Variants in DOP1B observed in about 807,000 individuals in gnomAD.
The protein encoded by DOP1B is protein DOP1B.
Under a neutral mutation model 233.5 loss-of-function variants are expected in DOP1B, and 174 were observed. The ratio of observed to expected loss-of-function variants is 0.75; its 90% CI spans 0.66 to 0.85. The LOEUF is 0.85. DOP1B is among the 40% of genes least tolerant of loss of function. The pLI, the probability that DOP1B is intolerant of heterozygous loss-of-function variation, is 0.00. For synonymous variants in DOP1B, 1,190 were observed against 1,185.6 expected, an observed-to-expected ratio of 1.00 and a Z score of -0.08; for missense variants, 2,652 against 2,846.6, an observed-to-expected ratio of 0.93 and a Z score of 1.56.
chr21:36,291,602 C>T (rs959784049), intron 35 of DOP1B, among the ~76,000 whole-genome samples: 5 of 151,972 alleles, frequency 3.3e-5, no homozygotes, highest in Non-Finnish European at 5.9e-5. Context: ...ATGTGCATAG[C>T]AACATTATTT....
intron 2 of DOP1B, among the ~76,000 whole-genome samples, chr21:36,177,311 C>A (rs954017261): frequency 6.6e-6 from 1 of 152,198 alleles, no homozygotes; most frequent in African/African-American, 2.4e-5. Context: ...ACTGTAAGAT[C>A]GAGATGGTCT....
Position 36,193,829 on chromosome 21 carries a change from G to A in DOP1B, c.139-5241G>A, listed in dbSNP as rs143629409. ...CTTCTCCACTGGGCTACAGCTCTGA[G>A]CTTCTGCACAAAGAGTGGAGTCTCC... On this transcript the variant is annotated intron_variant, in intron 2 of 36. Coordinates refer to ENST00000691173, the MANE Select transcript of DOP1B (RefSeq NM_001320714.2). Among the ~76,000 whole-genome samples, 225 of 152,284 alleles carry A rather than the reference G, an allele frequency of 1.5e-3. 1 individual carries two copies. Among genetic ancestry groups the A allele is most frequent in the African/African-American group, 5.3e-3 (222 of 41,554 alleles).
intron 27 of DOP1B, among the ~76,000 whole-genome samples, 180 bp downstream of exon 27, chr21:36,270,337 A>C (rs1158799936): frequency 1.3e-5 from 2 of 149,664 alleles, no homozygotes; most frequent in Non-Finnish European, 3.0e-5. Flanking sequence ...CAGATAAAGC[A>C]AGGTCAGGAG....
Position 36,231,250 on chromosome 21 carries a change from CTT to C in DOP1B, c.2350+121_2350+122del, listed in dbSNP as rs35072237. The C allele has an allele frequency of 2.3e-6, 3 of 1,333,048 alleles. No individual in the cohort carries two copies. The East Asian group carries it at 7.5e-5, about 33-fold the overall frequency. The allele number at this position is 1,333,048 out of a possible 1,614,324, so 82.6% of individuals were successfully genotyped here. ...GACCAAATGTATTTTGGATTTCGGACTTTTTTCAGATTTTTGGAATATTTGCC... is the reference window on the plus strand; with the variant it reads ...GACCAAATGTATTTTGGATTTCGGACTTTTCAGATTTTTGGAATATTTGCC... On this transcript the variant is annotated intron_variant, in intron 14 of 36. Transcript: ENST00000691173.
chr21:36,293,711 G>C lies in DOP1B; in HGVS notation c.*140G>C. On this transcript the variant is annotated 3_prime_UTR_variant, in exon 37 of 37. Coordinates refer to ENST00000691173, the MANE Select transcript of DOP1B (RefSeq NM_001320714.2). Reference sequence around the variant, plus strand: ...TGAAAGTAGATTTCAGGCTAGGTGCGGTGGCTCACACCTGTAATCTCAGCA... The same window carrying C: ...TGAAAGTAGATTTCAGGCTAGGTGCCGTGGCTCACACCTGTAATCTCAGCA... 1 of 972,344 alleles carries C rather than the reference G, an allele frequency of 1.0e-6. No homozygotes were observed. The highest frequency in any genetic ancestry group is 1.5e-6 in the Non-Finnish European group (1 of 656,894). 60.2% of individuals were successfully genotyped at this position (972,344 alleles called of 1,614,324 possible).
intron 1 of DOP1B, among the ~76,000 whole-genome samples, chr21:36,161,313 A>AT (rs1255815087): frequency 2.6e-5 from 4 of 151,876 alleles, no homozygotes; most frequent in African/African-American, 9.7e-5. Flanking sequence ...TAATTTTTCT[A>AT]TTTTTAGTAG....
chr21:36,203,853 A>C lies in DOP1B; in HGVS notation c.491+3352A>C, dbSNP rs8134543. On this transcript the variant is annotated intron_variant, in intron 4 of 36. Transcript: ENST00000691173. ...TCTAACCCTTTGGGGTCTGCAGATA[A>C]CCTATGACTGGTCAGAAATCCTTTT... Among the ~76,000 whole-genome samples, 889 of 150,054 alleles carry C rather than the reference A, an allele frequency of 5.9e-3. 8 individuals are homozygous for C. The highest frequency in any genetic ancestry group is 0.02 in the African/African-American group (824 of 40,850).
chr21:36,189,151 A>G (rs13047140), intron 2 of DOP1B, among the ~76,000 whole-genome samples: 9 of 152,116 alleles, frequency 5.9e-5, no homozygotes, highest in East Asian at 1.9e-4. Flanking sequence ...GGAAACAAAG[A>G]TATTTTCTTG....
intron 32 of DOP1B, among the ~76,000 whole-genome samples, chr21:36,287,625 C>T: frequency 8.8e-6 from 1 of 114,208 alleles, no homozygotes; most frequent in African/African-American, 3.5e-5. Flanking sequence ...CTCACTCTGT[C>T]ACCCAGGCTG....
intron 30 of DOP1B, among the ~76,000 whole-genome samples, chr21:36,279,015 G>T (rs2284642): frequency 0.15 from 22,990 of 151,968 alleles, 1,940 homozygotes; most frequent in East Asian, 0.35. Context: ...CCACTTCTCG[G>T]CTGATACTCC....
chr21:36,285,381 A>T (rs1344727167), intron 32 of DOP1B, among the ~76,000 whole-genome samples: 1 of 151,922 alleles, frequency 6.6e-6, no homozygotes, highest in African/African-American at 2.4e-5. Context: ...TTTCTAAATA[A>T]ATACGCTTCG....
chr21:36,263,748 C>G lies in DOP1B; in HGVS notation c.5421C>G (p.Ser1807Arg). 1 of 1,614,216 alleles carries G rather than the reference C, an allele frequency of 6.2e-7. No individual in the cohort carries two copies. The part of the protein sequence containing the change: ...LAPPGYFLLL[S>R]MLNDFVTRTP... ...TCTGAAGCTGATTGTCTCCCAACAG[C>G]ATGCTGAATGACTTTGTAACAAGAA... is the stretch of plus-strand genomic sequence containing the variant. Residue 1807 changes from serine (S) to arginine (R), a missense_variant and splice_region_variant, in exon 26 of 37, where the codon AGC becomes AGG. By Grantham distance (110) the Ser-to-Arg change is moderately radical. Coordinates refer to ENST00000691173, the MANE Select transcript of DOP1B (RefSeq NM_001320714.2).
At chr21:36,277,560 C>T (rs12233337) in intron 28 of DOP1B, among the ~76,000 whole-genome samples, 19,155 of 151,974 alleles carry the variant, frequency 0.13, 1,409 homozygotes, top group East Asian at 0.35. Flanking sequence ...GGATTACAGG[C>T]GTGACCCACC....
At chr21:36,158,904 G>T (rs944804972) in intron 1 of DOP1B, among the ~76,000 whole-genome samples, 2 of 151,972 alleles carry the variant, frequency 1.3e-5, no homozygotes, top group African/African-American at 2.4e-5. Flanking sequence ...GAGGTGGGCG[G>T]ATCACCTTAC....
In DOP1B at chr21:36,246,307, A is replaced by AAGCTGCTGC; in HGVS notation, c.4330_4338dup (p.Leu1444_Gln1446dup). ...GCACCCGCTGCAGATTGAGCTGCTG[A>AAGCTGCTGC]AGCTGCTGCAGGTGCTGATTGTCTT... On this transcript the variant is annotated inframe_insertion, in exon 19 of 37. Coordinates refer to ENST00000691173, the MANE Select transcript of DOP1B (RefSeq NM_001320714.2). The surrounding 1 kb of genome is among the most constrained non-coding windows in gnomAD (Gnocchi z 5.1). The AAGCTGCTGC allele has an allele frequency of 6.2e-7, 1 of 1,613,934 alleles. No individual in the cohort carries two copies. The highest frequency in any genetic ancestry group is 2.2e-5 in the East Asian group (1 of 44,872).
At chr21:36,292,062 G>T (rs552611025) in intron 35 of DOP1B, 42 bp from the exon 36 acceptor site, 12 of 1,550,096 alleles carry the variant, frequency 7.7e-6, no homozygotes, top group East Asian at 2.3e-5. Context: ...GACGTTGAAG[G>T]CCTCTTACCA....
At chr21:36,192,890 T>C (rs551556903) in intron 2 of DOP1B, among the ~76,000 whole-genome samples, 5 of 152,082 alleles carry the variant, frequency 3.3e-5, no homozygotes, top group Non-Finnish European at 5.9e-5. Context: ...GGGGTTTCAC[T>C]GTGTTAGCCA....
chr21:36,157,263 G>A (rs748218389), intron 1 of DOP1B, among the ~76,000 whole-genome samples: 1 of 152,108 alleles, frequency 6.6e-6, no homozygotes, highest in Admixed American at 6.5e-5. Flanking sequence ...CGAGCGGGGC[G>A]GCAGGTGCAG....
At chr21:36,220,438 C>T (rs746027086) in intron 10 of DOP1B, among the ~76,000 whole-genome samples, 1 of 152,112 alleles carries the variant, frequency 6.6e-6, no homozygotes, top group African/African-American at 2.4e-5. Flanking sequence ...ACATAGATGC[C>T]TGTCTTTTAT....
Sources: allele counts gnomAD v4.1 joint callset (sites outside exome capture counted in the v4.1 genomes callset), GRCh38; gene constraint gnomAD v4.1.1; non-coding constraint Gnocchi (gnomAD v3.1); transcripts MANE v1.5; gene names NCBI Gene and HGNC (gene_info 2026-07-23, HGNC 2026-07-21).